The following BCAS4 variants were observed in gnomAD, a reference collection of about 807,000 sequenced individuals.
BCAS4 encodes the protein breast carcinoma amplified sequence 4, also known as breast carcinoma-amplified sequence 4.
BCAS4 carries 9 observed loss-of-function variants against 15.7 expected under a neutral mutation model. The observed-to-expected ratio is 0.57, with a 90% CI of 0.34 to 1.00. BCAS4 has a LOEUF of 1.00. BCAS4 is among the 50% of genes least tolerant of loss of function. The pLI is 0.02. For synonymous variants in BCAS4, 101 were observed against 99.5 expected, an observed-to-expected ratio of 1.02 and a Z score of -0.09; for missense variants, 225 against 239.1, an observed-to-expected ratio of 0.94 and a Z score of 0.39.
At chr20:50,807,962 C>T (rs972804505) in intron 1 of BCAS4, among the ~76,000 whole-genome samples, 5 of 144,598 alleles carry the variant, frequency 3.5e-5, no homozygotes, top group Non-Finnish European at 5.9e-5. Context: ...GGCTGGAGTG[C>T]AGTGGCGTGA....
intron 1 of BCAS4, among the ~76,000 whole-genome samples, chr20:50,806,302 G>T (rs375917763): frequency 6.6e-6 from 1 of 152,212 alleles, no homozygotes; most frequent in South Asian, 2.1e-4. Flanking sequence ...GGACTAAGGC[G>T]CCGCCCAGGC....
At chr20:50,816,235 A>G (rs1050829027) in intron 1 of BCAS4, among the ~76,000 whole-genome samples, 1 of 152,118 alleles carries the variant, frequency 6.6e-6, no homozygotes, top group African/African-American at 2.4e-5. Flanking sequence ...CATGTTGGTC[A>G]GGCTGGTCTC....
intron 4 of BCAS4, among the ~76,000 whole-genome samples, chr20:50,855,441 A>G (rs1978703246): frequency 6.6e-6 from 1 of 151,690 alleles, no homozygotes. Flanking sequence ...TCTGTGTGTC[A>G]CCTACACAAT....
chr20:50,809,724 T>C (rs1220750357), intron 1 of BCAS4, among the ~76,000 whole-genome samples: 3 of 152,218 alleles, frequency 2.0e-5, no homozygotes, highest in African/African-American at 7.2e-5. Context: ...ATATTGATTC[T>C]ACCCATCCAT....
chr20:50,855,780 G>A (rs985799110), intron 4 of BCAS4, among the ~76,000 whole-genome samples: 1 of 152,212 alleles, frequency 6.6e-6, no homozygotes, highest in Non-Finnish European at 1.5e-5. Flanking sequence ...AGCAACACTT[G>A]GTACGTGGGA....
chr20:50,813,330 T>G (rs1329200293), intron 1 of BCAS4, among the ~76,000 whole-genome samples: 1 of 152,030 alleles, frequency 6.6e-6, no homozygotes, highest in Admixed American at 6.6e-5. Context: ...AGTGGTACAG[T>G]GGAGGATTTG....
Position 50,844,605 on chromosome 20 carries a change from G to C in BCAS4, c.399+2705G>C, listed in dbSNP as rs147506802. ...GCACAGTCATCCCGATGAGGTTGGT[G>C]CTAGTGTTCCCATTTACAGAGGCAG... is the stretch of plus-strand genomic sequence containing the variant. On this transcript the variant is annotated intron_variant, in intron 4 of 4. Transcript: ENST00000371608. Among the ~76,000 whole-genome samples the C allele has an allele frequency of 2.2e-3, 328 of 152,284 alleles. 4 individuals are homozygous for C. In the Middle Eastern group the frequency reaches 0.048, roughly 22 times the overall value.
chr20:50,797,464 G>A (rs901056109), intron 1 of BCAS4, among the ~76,000 whole-genome samples: 1 of 152,136 alleles, frequency 6.6e-6, no homozygotes. Context: ...GGAAGCTGAG[G>A]TGGGAGGATC....
chr20:50,794,929 T>A (rs1298582697), upstream of BCAS4: 1 of 1,110,852 alleles, frequency 9.0e-7, no homozygotes, highest in East Asian at 4.1e-5. Flanking sequence ...CCGGCGCTCC[T>A]GGAGCTGCGA....
At chr20:50,833,616 T>A (rs1306194385) in intron 3 of BCAS4, among the ~76,000 whole-genome samples, 1 of 152,130 alleles carries the variant, frequency 6.6e-6, no homozygotes, top group Admixed American at 6.6e-5. Flanking sequence ...ATAGCCTGGG[T>A]TCAAGTCCTA....
chr20:50,835,705 C>T (rs75871159), intron 3 of BCAS4, among the ~76,000 whole-genome samples: 59 of 152,150 alleles, frequency 3.9e-4, no homozygotes, highest in African/African-American at 5.5e-4. Flanking sequence ...GTGAATCTCC[C>T]GGCTGTCACA....
At chr20:50,865,505 C>T (rs557337260) in intron 4 of BCAS4, among the ~76,000 whole-genome samples, 8 of 152,292 alleles carry the variant, frequency 5.3e-5, no homozygotes, top group Non-Finnish European at 1.0e-4. Context: ...TAACGCTTTT[C>T]CTCCAGCTAA....
intron 2 of BCAS4, among the ~76,000 whole-genome samples, chr20:50,823,907 A>T (rs546508942): frequency 2.6e-5 from 4 of 152,150 alleles, no homozygotes. Context: ...CAAGCTGTCC[A>T]CTTACGAGCT....
chr20:50,832,613 T>C (rs1395081319), intron 3 of BCAS4: 2 of 152,222 alleles, frequency 1.3e-5, no homozygotes, highest in Admixed American at 1.3e-4. Context: ...AAATGTGCCT[T>C]ATGGGGCTAA....
intron 4 of BCAS4, among the ~76,000 whole-genome samples, chr20:50,843,270 A>G (rs2088505607): frequency 6.6e-6 from 1 of 152,128 alleles, no homozygotes; most frequent in Admixed American, 6.5e-5. Context: ...TTGAGTGCTT[A>G]CAAGGTTCCA....
At chr20:50,876,454 C>A in intron 4 of BCAS4, 32 bp from the exon 5 acceptor site, 1 of 1,608,586 alleles carries the variant, frequency 6.2e-7, no homozygotes, top group South Asian at 1.1e-5. Flanking sequence ...GGATCCAAAT[C>A]GCTGATAGAG....
intron 2 of BCAS4, among the ~76,000 whole-genome samples, chr20:50,819,962 T>C (rs1418463903): frequency 3.3e-5 from 5 of 152,176 alleles, no homozygotes; most frequent in African/African-American, 9.7e-5. Flanking sequence ...GTGATTCTCC[T>C]GCCTCAGCCT....
intron 2 of BCAS4, among the ~76,000 whole-genome samples, chr20:50,821,378 G>A (rs1173651923): frequency 6.6e-6 from 1 of 152,252 alleles, no homozygotes; most frequent in Non-Finnish European, 1.5e-5. Flanking sequence ...TACAGCCCCT[G>A]CATGGGCACG....
chr20:50,812,739 C>G (rs1392716405), intron 1 of BCAS4, among the ~76,000 whole-genome samples: 4 of 152,174 alleles, frequency 2.6e-5, no homozygotes, highest in Non-Finnish European at 5.9e-5. Flanking sequence ...CACACCCAGG[C>G]TTTTCAACTT....
Sources: gnomAD v4.1 joint callset for allele counts (sites outside exome capture counted in the v4.1 genomes callset) on GRCh38, gnomAD v4.1.1 for gene constraint, MANE v1.5 for transcripts, NCBI Gene and HGNC (gene_info 2026-07-23, HGNC 2026-07-21) for gene names.